CHST9: variants seen among roughly 807,000 people sequenced by gnomAD.
CHST9 encodes carbohydrate sulfotransferase 9.
A neutral mutation model predicts 44.4 loss-of-function variants in CHST9; 41 were observed. The ratio of observed to expected loss-of-function variants is 0.92; its 90% confidence interval spans 0.72 to 1.20. The LOEUF (loss-of-function observed/expected upper bound fraction) is 1.20, where lower values mean the gene tolerates loss of function less well. Among genes scored for constraint, CHST9 ranks in the 50% most tolerant of loss-of-function variants. The pLI, the probability that CHST9 is intolerant of heterozygous loss-of-function variation, is 0.00. For synonymous variants in CHST9, 171 were observed against 178.4 expected, an observed-to-expected ratio of 0.96 and a Z score of 0.33; for missense variants, 504 against 516.5, an observed-to-expected ratio of 0.98 and a Z score of 0.23.
chr18:27,131,532 C>T (rs546792271), intron 2 of CHST9, among the ~76,000 whole-genome samples: 2 of 152,246 alleles, frequency 1.3e-5, no homozygotes, highest in Admixed American at 6.5e-5. Context: ...GCCTGGGCGA[C>T]ACGAGCAAAA....
chr18:26,993,596 G>C (rs1476169957), intron 4 of CHST9, among the ~76,000 whole-genome samples: 2 of 151,944 alleles, frequency 1.3e-5, no homozygotes, highest in African/African-American at 4.8e-5. Context: ...TAATAAATGA[G>C]TAAAAAGAAA....
intron 4 of CHST9, among the ~76,000 whole-genome samples, chr18:27,006,820 T>C (rs1282654948): frequency 5.9e-5 from 9 of 152,154 alleles, no homozygotes; most frequent in African/African-American, 1.7e-4. Context: ...CAAAGCCGGG[T>C]CATTTGAACA....
At chr18:27,111,610 C>G (rs1009180773) in intron 2 of CHST9, among the ~76,000 whole-genome samples, 1 of 152,220 alleles carries the variant, frequency 6.6e-6, no homozygotes, top group Non-Finnish European at 1.5e-5. Context: ...AGATCACCCA[C>G]TGAAGTAAAC....
Position 26,991,794 on chromosome 18 carries a change from G to A in CHST9, c.202+32322C>T, listed in dbSNP as rs528070641. On this transcript the variant is annotated intron_variant, in intron 4 of 5. Coordinates refer to ENST00000618847, the MANE Select transcript of CHST9 (RefSeq NM_031422.6). The stretch of plus-strand genomic sequence containing the variant: ...CTGATGAAGACGAGGACTAAGACCT[G>A]ACCACTGGATCTAGTAATAGGGTGT... Among the ~76,000 whole-genome samples the A allele has an allele frequency of 1.1e-4, 14 of 127,432 alleles. 2 individuals carry two copies. The highest frequency in any genetic ancestry group is 3.4e-4 in the African/African-American group (13 of 37,840). 83.6% of individuals were successfully genotyped at this position (127,432 alleles called of 152,430 possible).
At chr18:27,141,422 C>T (rs572607938) in intron 2 of CHST9, among the ~76,000 whole-genome samples, 1 of 150,880 alleles carries the variant, frequency 6.6e-6, no homozygotes, top group Admixed American at 6.6e-5. Flanking sequence ...GAAACCCCGT[C>T]TCTACAAAAA....
At chr18:26,923,224 T>C (rs1284890275) in intron 5 of CHST9, among the ~76,000 whole-genome samples, 1 of 152,188 alleles carries the variant, frequency 6.6e-6, no homozygotes, top group Non-Finnish European at 1.5e-5. Flanking sequence ...CAAGATACTA[T>C]TGGAAGCTGG....
chr18:26,968,174 C>T (rs984680446), intron 4 of CHST9, among the ~76,000 whole-genome samples: 1 of 152,174 alleles, frequency 6.6e-6, no homozygotes, highest in African/African-American at 2.4e-5. Flanking sequence ...GTATATGCAT[C>T]TATCCCATTT....
At chr18:26,986,575 A>G (rs1222008245) in intron 4 of CHST9, among the ~76,000 whole-genome samples, 1 of 152,176 alleles carries the variant, frequency 6.6e-6, no homozygotes. Flanking sequence ...GAGATCTAGG[A>G]AGCTCAAGAA....
chr18:27,081,847 T>TA (rs1467212399), intron 2 of CHST9, among the ~76,000 whole-genome samples: 2 of 152,166 alleles, frequency 1.3e-5, no homozygotes, highest in African/African-American at 4.8e-5. Context: ...TGCCTGAAAA[T>TA]AGTCAGAATC....
Position 27,058,742 on chromosome 18 carries a change from T to A in CHST9, c.122-10239A>T, listed in dbSNP as rs193209637. On this transcript the variant is annotated intron_variant, in intron 2 of 5. Coordinates refer to ENST00000618847, the MANE Select transcript of CHST9 (RefSeq NM_031422.6). Reference sequence around the variant, plus strand: ...AAGAAACCATTTTAGAAGGAGATTTTCCAGCTCTAGTCACCTCAGCAAACG... The same window carrying A: ...AAGAAACCATTTTAGAAGGAGATTTACCAGCTCTAGTCACCTCAGCAAACG... 2.6e-4 allele frequency among the ~76,000 whole-genome samples: 40 copies of A among 152,294 alleles called. 1 individual carries two copies. Among genetic ancestry groups the A allele is most frequent in the Middle Eastern group, 3.4e-3 (1 of 294 alleles).
chr18:26,916,186 T>C lies in CHST9; in HGVS notation c.*73A>G. 6 of 1,188,864 alleles carry C rather than the reference T, an allele frequency of 5.0e-6. No individual in the cohort carries two copies. The South Asian group carries it at 9.4e-5, about 19-fold the overall frequency. 73.6% of individuals were successfully genotyped at this position (1,188,864 alleles called of 1,614,324 possible). A position where few individuals can be genotyped will look rare whatever the true frequency, so the allele number is the denominator to read the frequency against. On this transcript the variant is annotated 3_prime_UTR_variant, in exon 6 of 6. Coordinates refer to ENST00000618847, the MANE Select transcript of CHST9 (RefSeq NM_031422.6). ...GGTTAAATTTCTGTCATACAGAGAA[T>C]TATAGAAAAATTACAGCTGATTTGA... is the stretch of plus-strand genomic sequence containing the variant.
At chr18:27,083,749 G>A (rs1294875374) in intron 2 of CHST9, among the ~76,000 whole-genome samples, 1 of 152,062 alleles carries the variant, frequency 6.6e-6, no homozygotes, top group Non-Finnish European at 1.5e-5. Flanking sequence ...GTCTTCTCAT[G>A]GGCCCCATTC....
chr18:26,911,580 T>C lies in CHST9; in HGVS notation c.*4679A>G, dbSNP rs1437288162. The stretch of plus-strand genomic sequence containing the variant: ...AGTTAACAAGAAATGAATGTCCAGA[T>C]ATATAGAGAGGGGAGCATTCCAAAT... On this transcript the variant is annotated 3_prime_UTR_variant, in exon 6 of 6. Coordinates refer to ENST00000618847, the MANE Select transcript of CHST9 (RefSeq NM_031422.6). 3.3e-5 allele frequency: 5 copies of C among 152,170 alleles called. No homozygotes were observed. The highest frequency in any genetic ancestry group is 1.2e-4 in the African/African-American group (5 of 41,440). The allele number at this position is 152,170 out of a possible 1,614,324, so 9.4% of individuals were successfully genotyped here.
At chr18:27,056,081 A>G (rs1423670861) in intron 2 of CHST9, among the ~76,000 whole-genome samples, 1 of 152,166 alleles carries the variant, frequency 6.6e-6, no homozygotes, top group South Asian at 2.1e-4. Flanking sequence ...TTATTAGTCA[A>G]TTATTGTTTA....
chr18:26,931,622 T>A (rs568312806), intron 5 of CHST9, among the ~76,000 whole-genome samples: 1 of 152,268 alleles, frequency 6.6e-6, no homozygotes, highest in East Asian at 1.9e-4. Context: ...TTGTCTTTAT[T>A]TCAACGGGCA....
At chr18:27,176,410 C>T (rs776458435) in intron 1 of CHST9, among the ~76,000 whole-genome samples, 7 of 151,958 alleles carry the variant, frequency 4.6e-5, no homozygotes, top group African/African-American at 1.7e-4. Flanking sequence ...ACTTGTGTGA[C>T]GGCAGAGGCA....
chr18:26,921,498 C>A (rs1049052457), intron 5 of CHST9, among the ~76,000 whole-genome samples: 2 of 152,194 alleles, frequency 1.3e-5, no homozygotes, highest in Non-Finnish European at 2.9e-5. Flanking sequence ...AACTCCTCAT[C>A]TCAATGTCAT....
intron 2 of CHST9, among the ~76,000 whole-genome samples, chr18:27,063,278 A>G (rs1305193456): frequency 6.6e-6 from 1 of 152,126 alleles, no homozygotes; most frequent in Admixed American, 6.5e-5. Context: ...GCTCCCTCAT[A>G]TATTTGTGAT....
chr18:26,948,072 A>G (rs898919989), intron 4 of CHST9, among the ~76,000 whole-genome samples: 1 of 152,198 alleles, frequency 6.6e-6, no homozygotes, highest in Admixed American at 6.5e-5. Context: ...CAGTCATAAA[A>G]AAGGATGAGT....
Sources: gnomAD v4.1 joint callset for allele counts (sites outside exome capture counted in the v4.1 genomes callset) on GRCh38, gnomAD v4.1.1 for gene constraint, MANE v1.5 for transcripts, NCBI Gene and HGNC (gene_info 2026-07-23, HGNC 2026-07-21) for gene names.